CSMD1: variants seen among roughly 807,000 people sequenced by gnomAD.
CSMD1 encodes CUB and sushi domain-containing protein 1.
A neutral mutation model predicts 417.5 loss-of-function variants in CSMD1; 213 were observed. The observed-to-expected ratio is 0.51, with a 90% confidence interval of 0.46 to 0.57. The LOEUF is 0.57. Ranked by LOEUF, CSMD1 falls within the 20% of genes least tolerant of loss-of-function variation. CSMD1 has a pLI of 0.00. For missense variants in CSMD1, 6,923 were observed against 4,529.7 expected, an observed-to-expected ratio of 1.53 and a Z score of -15.17; for synonymous variants, 2,862 against 1,736.8, an observed-to-expected ratio of 1.65 and a Z score of -16.11.
intron 3 of CSMD1, among the ~76,000 whole-genome samples, chr8:4,257,008 T>C (rs1041257678): frequency 5.9e-5 from 9 of 152,182 alleles, no homozygotes; most frequent in Admixed American, 1.3e-4. Context: ...TTCCAAATGA[T>C]GCAAGCTACT....
intron 2 of CSMD1, among the ~76,000 whole-genome samples, chr8:4,433,779 ATT>A (rs1356314773): frequency 2.0e-5 from 3 of 152,134 alleles, no homozygotes; most frequent in African/African-American, 7.2e-5. Flanking sequence ...GGAGTTTAAA[ATT>A]TGTGTCTATT....
intron 3 of CSMD1, among the ~76,000 whole-genome samples, chr8:4,168,476 G>C (rs1248983421): frequency 6.6e-6 from 1 of 151,826 alleles, no homozygotes; most frequent in African/African-American, 2.4e-5. Flanking sequence ...AAGGGATGTG[G>C]TAAAAGTAGA....
rs1471071736 is a variant in CSMD1, at chr8:3,476,570, A to G, written c.1449-7746T>C. ...TTCCGCTTGCAATCTCAAAGGTTACACAGAACATACATCCATTGGTGTGAC... is the reference window on the plus strand; with the variant it reads ...TTCCGCTTGCAATCTCAAAGGTTACGCAGAACATACATCCATTGGTGTGAC... On this transcript the variant is annotated intron_variant, in intron 11 of 69. Transcript: ENST00000635120. Among the ~76,000 whole-genome samples, 3 of 152,246 alleles carry G rather than the reference A, an allele frequency of 2.0e-5. No individual in the cohort carries two copies. In the East Asian group the frequency reaches 5.8e-4, roughly 29 times the overall value.
chr8:3,050,261 T>G (rs1180608949), intron 50 of CSMD1, among the ~76,000 whole-genome samples: 1 of 151,740 alleles, frequency 6.6e-6, no homozygotes, highest in African/African-American at 2.4e-5. Context: ...AAAAGGGGTA[T>G]AGGATTTAGA....
intron 5 of CSMD1, among the ~76,000 whole-genome samples, chr8:3,861,907 C>T (rs891033395): frequency 1.3e-5 from 2 of 152,168 alleles, no homozygotes; most frequent in African/African-American, 4.8e-5. Flanking sequence ...AACATGCCTG[C>T]ATTCCAGGAT....
intron 51 of CSMD1, among the ~76,000 whole-genome samples, chr8:3,020,977 C>T (rs985828700): frequency 6.6e-6 from 1 of 152,166 alleles, no homozygotes; most frequent in African/African-American, 2.4e-5. Context: ...TAAGCCTTTT[C>T]CCAAACAGGG....
intron 26 of CSMD1, among the ~76,000 whole-genome samples, chr8:3,273,735 A>G (rs2117169997): frequency 6.6e-6 from 1 of 152,226 alleles, no homozygotes; most frequent in African/African-American, 2.4e-5. Context: ...TGTTTGTAGT[A>G]TTCTCTGATG....
intron 1 of CSMD1, among the ~76,000 whole-genome samples, chr8:4,706,755 G>C (rs1179048342): frequency 3.7e-4 from 56 of 152,174 alleles, no homozygotes; most frequent in Admixed American, 3.7e-3. Context: ...CAGAGAGAAG[G>C]GCTCTCACTC....
intron 1 of CSMD1, among the ~76,000 whole-genome samples, chr8:4,894,038 T>G (rs572340297): frequency 4.8e-4 from 73 of 152,222 alleles, no homozygotes; most frequent in African/African-American, 1.7e-3. Flanking sequence ...TTTGATTTAT[T>G]TTGTTTAAGT....
At chr8:3,314,574 G>T (rs1037829258) in intron 23 of CSMD1, among the ~76,000 whole-genome samples, 1 of 152,174 alleles carries the variant, frequency 6.6e-6, no homozygotes, top group Non-Finnish European at 1.5e-5. Context: ...AATGTATTTA[G>T]TAATTCTATT....
intron 3 of CSMD1, among the ~76,000 whole-genome samples, chr8:4,404,537 G>A (rs1377162387): frequency 6.6e-6 from 1 of 152,102 alleles, no homozygotes; most frequent in Non-Finnish European, 1.5e-5. Context: ...TCATGAAGGT[G>A]ATGTTTAATA....
intron 3 of CSMD1, among the ~76,000 whole-genome samples, chr8:4,387,968 A>G (rs1210101313): frequency 1.3e-5 from 2 of 152,112 alleles, no homozygotes; most frequent in South Asian, 2.1e-4. Context: ...TTAAAATTTT[A>G]CTCTCAGAAG....
At chr8:3,967,640 C>G (rs1474458388) in intron 5 of CSMD1, among the ~76,000 whole-genome samples, 1 of 152,112 alleles carries the variant, frequency 6.6e-6, no homozygotes, top group Non-Finnish European at 1.5e-5. Flanking sequence ...CACATTTCCC[C>G]TCCATTCCCT....
chr8:4,062,111 G>C (rs1037008668), intron 3 of CSMD1, among the ~76,000 whole-genome samples: 5 of 152,112 alleles, frequency 3.3e-5, no homozygotes, highest in Admixed American at 6.5e-5. Context: ...AGAATGCATG[G>C]AGGGTCAGCA....
intron 1 of CSMD1, among the ~76,000 whole-genome samples, chr8:4,794,039 C>T (rs1217948458): frequency 2.6e-5 from 4 of 152,096 alleles, no homozygotes; most frequent in African/African-American, 7.2e-5. Context: ...TATCTTAGTG[C>T]TCTTGAAATA....
intron 3 of CSMD1, among the ~76,000 whole-genome samples, chr8:4,206,290 A>C (rs1251520370): frequency 6.6e-6 from 1 of 152,064 alleles, no homozygotes; most frequent in East Asian, 1.9e-4. Context: ...GGTGTGCTGC[A>C]CCCATTAACT....
At chr8:3,271,484 G>C (rs1226286807) in intron 26 of CSMD1, among the ~76,000 whole-genome samples, 2 of 146,432 alleles carry the variant, frequency 1.4e-5, no homozygotes, top group Non-Finnish European at 3.0e-5. Flanking sequence ...TCTAGTTCTA[G>C]ATCCCTGACG....
At chr8:3,570,904 T>C (rs1799915746) in intron 10 of CSMD1, among the ~76,000 whole-genome samples, 1 of 152,346 alleles carries the variant, frequency 6.6e-6, no homozygotes, top group East Asian at 1.9e-4. Context: ...TCTTTTTAGA[T>C]AGAATTTCAA....
intron 2 of CSMD1, among the ~76,000 whole-genome samples, chr8:4,537,728 C>T (rs1162344337): frequency 6.6e-6 from 1 of 152,134 alleles, no homozygotes; most frequent in African/African-American, 2.4e-5. Context: ...CCCAGCGAAG[C>T]CACGGGAATA....
Sources: allele counts gnomAD v4.1 joint callset (sites outside exome capture counted in the v4.1 genomes callset), GRCh38; gene constraint gnomAD v4.1.1; transcripts MANE v1.5; gene names NCBI Gene and HGNC (gene_info 2026-07-23, HGNC 2026-07-21).